The following LY6S variants were observed in gnomAD, a reference collection of about 807,000 sequenced individuals.
LY6S encodes the protein lymphocyte antigen 6S.
the LY6S span, among the ~76,000 whole-genome samples, chr8:143,045,091 C>G: frequency 5.3e-5 from 8 of 152,192 alleles, no homozygotes; most frequent in African/African-American, 1.9e-4. This position sits in a 1 kb window ranked among gnomAD's most constrained non-coding sequence, Gnocchi z 5.3. Context: ...GTGAGCACAG[C>G]CAGCACGCGC....
the LY6S span, among the ~76,000 whole-genome samples, chr8:143,041,571 C>G: frequency 6.6e-6 from 1 of 152,162 alleles, no homozygotes; most frequent in Non-Finnish European, 1.5e-5. Flanking sequence ...TCCTCCTCAG[C>G]TTACGAAGAT....
chr8:143,057,550 C>G, the LY6S span: 1 of 1,142,662 alleles, frequency 8.8e-7, no homozygotes. Flanking sequence ...GCCTGGCTGC[C>G]TTTAGTCTCT....
the LY6S span, among the ~76,000 whole-genome samples, chr8:143,041,987 C>G: frequency 2.7e-3 from 1 of 366 alleles, no homozygotes. Context: ...AGGGCGTTCT[C>G]AGCCCAGCCC....
chr8:143,066,773 A>G, the LY6S span, among the ~76,000 whole-genome samples: 4 of 152,270 alleles, frequency 2.6e-5, no homozygotes, highest in South Asian at 4.1e-4. Flanking sequence ...TGAACCTGGG[A>G]CTGCAGGCTT....
the LY6S span, among the ~76,000 whole-genome samples, chr8:143,066,813 G>GT: frequency 6.6e-6 from 1 of 152,186 alleles, no homozygotes; most frequent in African/African-American, 2.4e-5. Context: ...GACGAGTTAA[G>GT]ACTTTGGGGA....
chr8:143,042,595 C>T, the LY6S span: 3 of 180,528 alleles, frequency 1.7e-5, no homozygotes, highest in Non-Finnish European at 3.5e-5. Context: ...AGGAAGAAGC[C>T]GAGTGCTGAC....
the LY6S span, among the ~76,000 whole-genome samples, chr8:143,073,978 G>C: frequency 7.3e-5 from 11 of 150,488 alleles, no homozygotes; most frequent in African/African-American, 2.7e-4. Flanking sequence ...CGTCGTCCCC[G>C]GGGTCCCTGT....
the LY6S span, among the ~76,000 whole-genome samples, chr8:143,051,053 A>G: frequency 6.6e-6 from 1 of 152,186 alleles, no homozygotes; most frequent in Non-Finnish European, 1.5e-5. Flanking sequence ...TGCAAAAGAA[A>G]TACTGCGGCT....
chr8:143,060,519 C>T, the LY6S span, among the ~76,000 whole-genome samples: 2 of 152,234 alleles, frequency 1.3e-5, no homozygotes, highest in East Asian at 1.9e-4. Context: ...CTCTCCGCCT[C>T]GGCTACCAAA....
chr8:143,064,519 C>T, the LY6S span, among the ~76,000 whole-genome samples: 229 of 152,282 alleles, frequency 1.5e-3, no homozygotes, highest in African/African-American at 4.4e-3. Context: ...CGATTGCAAG[C>T]TCCTCAAATC....
At chr8:143,050,967 C>T in the LY6S span, among the ~76,000 whole-genome samples, 10 of 152,240 alleles carry the variant, frequency 6.6e-5, no homozygotes, top group Non-Finnish European at 1.5e-4. Context: ...CCAAGGGCGC[C>T]TCCCTTGTCC....
chr8:143,050,205 G>A, the LY6S span, among the ~76,000 whole-genome samples: 5 of 136,588 alleles, frequency 3.7e-5, no homozygotes, highest in African/African-American at 5.6e-5. Context: ...TTTTTGAGAC[G>A]GAGTCTTGCT....
At chr8:143,070,454 A>AT in the LY6S span, among the ~76,000 whole-genome samples, 1 of 48,124 alleles carries the variant, frequency 2.1e-5, no homozygotes, top group African/African-American at 7.3e-5. Context: ...TTGTATATAT[A>AT]TATATATATA....
At chr8:143,072,582 T>C in the LY6S span, among the ~76,000 whole-genome samples, 26 of 94,280 alleles carry the variant, frequency 2.8e-4, no homozygotes, top group East Asian at 1.9e-3. Flanking sequence ...GCCGTCGTCC[T>C]CGGGGTTCCT....
At chr8:143,050,924 G>T in the LY6S span, among the ~76,000 whole-genome samples, 1 of 152,252 alleles carries the variant, frequency 6.6e-6, no homozygotes, top group Non-Finnish European at 1.5e-5. Flanking sequence ...CCGGCTCGGG[G>T]TCGGGGAAAG....
chr8:143,044,409 C>A, the LY6S span, among the ~76,000 whole-genome samples: 2 of 152,086 alleles, frequency 1.3e-5, no homozygotes, highest in Non-Finnish European at 2.9e-5. Flanking sequence ...GCGCCCCCTG[C>A]TCTAGAACCC....
the LY6S span, among the ~76,000 whole-genome samples, chr8:143,067,786 C>T: frequency 3.6e-4 from 55 of 152,292 alleles, 1 homozygote; most frequent in Admixed American, 2.1e-3. Context: ...TGGATGTGCA[C>T]GTAGGCTAGA....
the LY6S span, among the ~76,000 whole-genome samples, chr8:143,073,537 G>T: frequency 5.6e-3 from 570 of 101,682 alleles, 14 homozygotes; most frequent in African/African-American, 0.014. Flanking sequence ...ATCGTCCTCG[G>T]GGTCCCTGTT....
chr8:143,073,382 A>T, the LY6S span, among the ~76,000 whole-genome samples: 5 of 48,714 alleles, frequency 1.0e-4, no homozygotes, highest in Non-Finnish European at 1.4e-4. Context: ...CCTGTTTGAG[A>T]AGACAGCCAT....
Sources: gnomAD v4.1 joint callset for allele counts (sites outside exome capture counted in the v4.1 genomes callset) on GRCh38, gnomAD v4.1.1 for gene constraint, Gnocchi (gnomAD v3.1) non-coding constraint, MANE v1.5 for transcripts, NCBI Gene and HGNC (gene_info 2026-07-23, HGNC 2026-07-21) for gene names.